Variants in TADA2A observed in about 807,000 individuals in gnomAD.
TADA2A encodes transcriptional adapter 2-alpha.
Under a neutral mutation model 67.4 loss-of-function variants are expected in TADA2A, and 38 were observed. That is an observed-to-expected ratio of 0.56 (90% CI 0.44 to 0.74). The LOEUF (loss-of-function observed/expected upper bound fraction) is 0.74. Among genes scored for constraint, TADA2A ranks in the 30% least tolerant of loss-of-function variants. The pLI, the probability that TADA2A is intolerant of heterozygous loss-of-function variation, is 0.00. For synonymous variants in TADA2A, 192 were observed against 181.6 expected (o/e 1.06, Z -0.46); for missense variants, 454 against 547.0 (o/e 0.83, Z 1.70).
At chr17:37,441,668 C>CTTT (rs34359729) in intron 6 of TADA2A, among the ~76,000 whole-genome samples, 5 of 137,154 alleles carry the variant, frequency 3.6e-5, no homozygotes, top group South Asian at 2.4e-4. Flanking sequence ...GTAATACCTC[C>CTTT]TTTTTTTTTT....
At chr17:37,408,107 G>C (rs1323114019) in intron 1 of TADA2A, 1 of 151,654 alleles carries the variant, frequency 6.6e-6, no homozygotes, top group Non-Finnish European at 1.5e-5. Context: ...GGTTGATCTC[G>C]AACTCCTGAC....
At chr17:37,417,196 A>G (rs1430503996) in intron 2 of TADA2A, among the ~76,000 whole-genome samples, 2 of 151,592 alleles carry the variant, frequency 1.3e-5, no homozygotes, top group African/African-American at 4.8e-5. Flanking sequence ...CCTGGCCAAC[A>G]TGGTGAAACC....
In TADA2A at chr17:37,444,819, A is replaced by G. The variant is rs115383939; in HGVS notation, c.604+51A>G. ...TATCGAGCGCCAACTGTGTGATGACACTGTCTTGGGTGCTAGGAATTGAAG... is the reference window on the plus strand; with the variant it reads ...TATCGAGCGCCAACTGTGTGATGACGCTGTCTTGGGTGCTAGGAATTGAAG... On this transcript the variant is annotated intron_variant, in intron 8 of 15. Coordinates refer to ENST00000615182, the MANE Select transcript of TADA2A (RefSeq NM_001166105.3). 2,020 of 1,522,284 alleles carry G rather than the reference A, an allele frequency of 1.3e-3. 16 individuals carry two copies. In the African/African-American group the frequency reaches 0.023, roughly 17 times the overall value. The allele number at this position is 1,522,284 out of a possible 1,614,324, so 94.3% of individuals were successfully genotyped here.
In TADA2A at chr17:37,414,772, A is replaced by G. The variant is rs574320477; in HGVS notation, c.25+3382A>G. Among the ~76,000 whole-genome samples, 70 of 152,114 alleles carry G rather than the reference A, an allele frequency of 4.6e-4. No homozygotes were observed. In the Middle Eastern group the frequency reaches 0.01, roughly 22 times the overall value. Reference sequence around the variant, plus strand: ...CTCCCAACATCAATATAATTCCACTATCCCCTGCCCTCAACCCCTTGTACT... The same window carrying G: ...CTCCCAACATCAATATAATTCCACTGTCCCCTGCCCTCAACCCCTTGTACT... On this transcript the variant is annotated intron_variant, in intron 2 of 15. Transcript: ENST00000615182.
chr17:37,425,378 AC>A lies in TADA2A; in HGVS notation c.133-1571del, dbSNP rs773106870. 2.6e-5 allele frequency among the ~76,000 whole-genome samples: 4 copies of A among 152,172 alleles called. No homozygotes were observed. The East Asian group carries it at 7.7e-4, about 29-fold the overall frequency. ...AAGTACTTGCTCTGTCCCAGGCACC[AC>A]TTTGAGTACTTTACATGAATTAACC... On this transcript the variant is annotated intron_variant, in intron 3 of 15. Transcript: ENST00000615182.
At chr17:37,429,621 G>A (rs1191396914) in intron 4 of TADA2A, among the ~76,000 whole-genome samples, 1 of 152,080 alleles carries the variant, frequency 6.6e-6, no homozygotes, top group Non-Finnish European at 1.5e-5. Context: ...CAGCACTGCA[G>A]TATATTTACT....
At chr17:37,413,661 C>T (rs951960151) in intron 2 of TADA2A, among the ~76,000 whole-genome samples, 17 of 152,226 alleles carry the variant, frequency 1.1e-4, no homozygotes, top group South Asian at 4.1e-4. Flanking sequence ...ATGCCCCCAC[C>T]TTGGCCTCCC....
chr17:37,409,939 G>A (rs1359378709), intron 1 of TADA2A, among the ~76,000 whole-genome samples: 1 of 151,752 alleles, frequency 6.6e-6, no homozygotes, highest in South Asian at 2.1e-4. Flanking sequence ...GCCGAGGTGG[G>A]CGGATCACTT....
chr17:37,435,622 C>T (rs1485153710), intron 4 of TADA2A, among the ~76,000 whole-genome samples: 2 of 151,992 alleles, frequency 1.3e-5, no homozygotes, highest in African/African-American at 2.4e-5. Context: ...GTCTCTTGCC[C>T]AGGCGGGAGA....
At chr17:37,427,130 C>A in intron 4 of TADA2A, 121 bp downstream of exon 4, 2 of 726,484 alleles carry the variant, frequency 2.8e-6, no homozygotes, top group Non-Finnish European at 4.2e-6. Flanking sequence ...TTTTCTTAAT[C>A]TCTGAGTATC....
At chr17:37,414,207 A>T (rs2147901883) in intron 2 of TADA2A, among the ~76,000 whole-genome samples, 1 of 151,846 alleles carries the variant, frequency 6.6e-6, no homozygotes, top group Admixed American at 6.6e-5. Context: ...TTTTTTACTT[A>T]TTTTTTATTA....
At chr17:37,413,084 G>A (rs1018527808) in intron 2 of TADA2A, among the ~76,000 whole-genome samples, 2 of 151,828 alleles carry the variant, frequency 1.3e-5, no homozygotes, top group Non-Finnish European at 2.9e-5. Flanking sequence ...CTGCCACCAC[G>A]CCCGGCTAAT....
At chr17:37,442,688 A>G in intron 7 of TADA2A, 36 bp downstream of exon 7, 1 of 1,599,002 alleles carries the variant, frequency 6.3e-7, no homozygotes, top group Admixed American at 1.7e-5. Flanking sequence ...AAGTAGGAAA[A>G]ATTCATTTTT....
At chr17:37,448,706 A>T (rs1349178757) in intron 8 of TADA2A, among the ~76,000 whole-genome samples, 2 of 152,074 alleles carry the variant, frequency 1.3e-5, no homozygotes, top group African/African-American at 4.8e-5. Flanking sequence ...TTGCCCCATA[A>T]CCCAGGCAAG....
intron 3 of TADA2A, 137 bp downstream of exon 3, chr17:37,423,752 C>CT (rs10706906): frequency 0.013 from 6,222 of 479,012 alleles, 1 homozygote; most frequent in Non-Finnish European, 0.015. Context: ...CTTTTTCTTT[C>CT]TTTTTTTTTT....
chr17:37,414,742 C>T (rs147743713), intron 2 of TADA2A, among the ~76,000 whole-genome samples: 1 of 152,226 alleles, frequency 6.6e-6, no homozygotes, highest in East Asian at 1.9e-4. Context: ...CAGTGAGAAC[C>T]CTGGCTCCCA....
chr17:37,438,558 T>C (rs2052802020), intron 5 of TADA2A, among the ~76,000 whole-genome samples: 1 of 152,342 alleles, frequency 6.6e-6, no homozygotes, highest in Admixed American at 6.5e-5. Context: ...TACTAGTGTA[T>C]ATAACCTTTC....
intron 4 of TADA2A, among the ~76,000 whole-genome samples, chr17:37,430,217 T>G (rs1324657718): frequency 6.6e-6 from 1 of 152,226 alleles, no homozygotes; most frequent in East Asian, 1.9e-4. Context: ...TACATCATCC[T>G]TTTCTCACGT....
intron 4 of TADA2A, among the ~76,000 whole-genome samples, chr17:37,432,372 G>A (rs915868388): frequency 6.6e-6 from 1 of 151,912 alleles, no homozygotes; most frequent in Non-Finnish European, 1.5e-5. Context: ...TCACCATGTT[G>A]GCCAGATTGG....
Sources: allele counts gnomAD v4.1 joint callset (sites outside exome capture counted in the v4.1 genomes callset), GRCh38; gene constraint gnomAD v4.1.1; transcripts MANE v1.5; gene names NCBI Gene and HGNC (gene_info 2026-07-23, HGNC 2026-07-21).